Variants in DNAI7 observed in about 807,000 individuals in gnomAD.
The protein encoded by DNAI7 is dynein axonemal intermediate chain 7.
DNAI7 carries 78 observed loss-of-function variants against 86.6 expected under a neutral mutation model. The ratio of observed to expected loss-of-function variants is 0.90; its 90% CI spans 0.75 to 1.09. The LOEUF (loss-of-function observed/expected upper bound fraction) is 1.09, where lower values mean the gene tolerates loss of function less well. DNAI7 is among the 50% of genes least tolerant of loss of function. DNAI7 has a pLI of 0.00. For synonymous variants in DNAI7, 274 were observed against 273.0 expected, an observed-to-expected ratio of 1.00 and a Z score of -0.04; for missense variants, 753 against 810.2, an observed-to-expected ratio of 0.93 and a Z score of 0.86.
intron 6 of DNAI7, among the ~76,000 whole-genome samples, chr12:25,153,663 CAGTT>C (rs1945824387): frequency 6.6e-6 from 1 of 152,176 alleles, no homozygotes; most frequent in African/African-American, 2.4e-5. Context: ...TAAGCCATAG[CAGTT>C]AGCTAGCTAA....
chr12:25,123,166 G>T lies in DNAI7; in HGVS notation c.1078+45C>A, dbSNP rs759507995. On this transcript the variant is annotated intron_variant, in intron 10 of 15. Coordinates refer to ENST00000395987, the MANE Select transcript of DNAI7 (RefSeq NM_018272.5). ...TGATCCTGTATTTCTTCTGTAAGAA[G>T]AAAATCTCAATAAAGTTAAATTCTT... is the stretch of plus-strand genomic sequence containing the variant. 8.7e-6 allele frequency: 11 copies of T among 1,268,816 alleles called. No individual in the cohort carries two copies. The Middle Eastern group carries it at 5.7e-4, about 66-fold the overall frequency. The allele number at this position is 1,268,816 out of a possible 1,614,324, so 78.6% of individuals were successfully genotyped here.
intron 2 of DNAI7, among the ~76,000 whole-genome samples, chr12:25,176,176 T>C (rs1455921957): frequency 6.6e-6 from 1 of 152,230 alleles, no homozygotes; most frequent in East Asian, 1.9e-4. Context: ...AATGTTAATC[T>C]GTTTTCTATT....
rs1200434298 is a variant in DNAI7 at position 25,108,775 on chromosome 12, G to A, written c.1942C>T (p.Leu648Phe). The change falls in exon 16 of 16, where the codon CTT becomes TTT. Residue 648 changes from leucine to phenylalanine, a missense_variant. Physicochemically the swap from Leu to Phe is conservative, Grantham distance 22. Coordinates refer to ENST00000395987, the MANE Select transcript of DNAI7 (RefSeq NM_018272.5). ...EACTENPNWA[L>F]LMFSGDRAQR... ...GCTCTGTCACCACTAAACATTAAAA[G>A]GGCCCAATTAGGATTCTCAGTACAT... 6.5e-6 allele frequency: 9 copies of A among 1,388,486 alleles called. No homozygotes were observed. The Admixed American group carries it at 1.0e-4, about 16-fold the overall frequency. 86.0% of individuals were successfully genotyped at this position (1,388,486 alleles called of 1,614,324 possible).
At position 25,117,995 on chromosome 12, in the gene DNAI7, G is replaced by T. The variant is rs550640813; in HGVS notation, c.1396+1150C>A. Among the ~76,000 whole-genome samples, 4 of 144,792 alleles carry T rather than the reference G, an allele frequency of 2.8e-5. No individual in the cohort carries two copies. The East Asian group carries it at 6.1e-4, about 22-fold the overall frequency. 95.0% of individuals were successfully genotyped at this position (144,792 alleles called of 152,430 possible). On this transcript the variant is annotated intron_variant, in intron 12 of 15. Coordinates refer to ENST00000395987, the MANE Select transcript of DNAI7 (RefSeq NM_018272.5). ...CTCGCTCTGCCTGGAGTGCAGTGGC[G>T]CAATCTCGGCTCACTGCAACCTCCA...
intron 2 of DNAI7, among the ~76,000 whole-genome samples, chr12:25,182,344 T>A (rs1171248962): frequency 1.8e-5 from 2 of 110,700 alleles, no homozygotes; most frequent in Non-Finnish European, 3.5e-5. Context: ...CGAAACTTCA[T>A]CTCAAAAAAA....
chr12:25,147,802 A>C (rs1945061433), intron 7 of DNAI7, among the ~76,000 whole-genome samples: 1 of 152,220 alleles, frequency 6.6e-6, no homozygotes, highest in African/African-American at 2.4e-5. Flanking sequence ...TATACTGTAG[A>C]CTATTCTACT....
chr12:25,125,393 T>C (rs1301049813), intron 9 of DNAI7, among the ~76,000 whole-genome samples: 8 of 152,258 alleles, frequency 5.3e-5, no homozygotes, highest in Non-Finnish European at 1.0e-4. Flanking sequence ...TCTTTTCATA[T>C]GCTTCTAGGC....
At chr12:25,131,692 T>A (rs1030015714) in intron 9 of DNAI7, among the ~76,000 whole-genome samples, 5 of 152,182 alleles carry the variant, frequency 3.3e-5, no homozygotes, top group African/African-American at 1.2e-4. Context: ...AAAGACAGGA[T>A]AACTTTGAGG....
At chr12:25,183,564 A>C (rs1949760619) in intron 2 of DNAI7, among the ~76,000 whole-genome samples, 2 of 151,548 alleles carry the variant, frequency 1.3e-5, no homozygotes, top group South Asian at 4.2e-4. Context: ...GACTTTTTCC[A>C]TCATTTCACT....
chr12:25,180,988 A>G (rs189851778), intron 2 of DNAI7, among the ~76,000 whole-genome samples: 1 of 152,248 alleles, frequency 6.6e-6, no homozygotes, highest in East Asian at 1.9e-4. Flanking sequence ...TTGTATTTTT[A>G]GTAGACACGG....
At chr12:25,155,442 G>A in intron 4 of DNAI7, 30 bp from the exon 5 acceptor site, 1 of 1,213,508 alleles carries the variant, frequency 8.2e-7, no homozygotes, top group South Asian at 1.4e-5. Context: ...ACATTGATCA[G>A]CTCTTTAATT....
At chr12:25,122,318 C>T (rs998902458) in intron 10 of DNAI7, among the ~76,000 whole-genome samples, 42 of 151,606 alleles carry the variant, frequency 2.8e-4, no homozygotes, top group African/African-American at 9.4e-4. Flanking sequence ...ATTAGCTAGC[C>T]TGGTGGTGCA....
intron 12 of DNAI7, among the ~76,000 whole-genome samples, chr12:25,117,738 G>C (rs1011030854): frequency 1.3e-5 from 2 of 152,002 alleles, no homozygotes; most frequent in African/African-American, 2.4e-5. Context: ...GTATAAAAAG[G>C]TATACAAGTG....
intron 9 of DNAI7, among the ~76,000 whole-genome samples, chr12:25,131,548 A>T (rs1942924738): frequency 6.6e-6 from 1 of 152,212 alleles, no homozygotes; most frequent in Non-Finnish European, 1.5e-5. Context: ...GGATCACTAA[A>T]GGGGTGGAGG....
At position 25,161,217 on chromosome 12, in the gene DNAI7, T is replaced by TA; in HGVS notation, c.22-21dup. 6.3e-7 allele frequency: 1 copy of TA among 1,594,812 alleles called. No homozygotes were observed. Among genetic ancestry groups the TA allele is most frequent in the Non-Finnish European group, 8.6e-7 (1 of 1,163,328 alleles). ...GCCAGACTTAACAAAGGCCACATCA[T>TA]AAAAAAGGCTATTAACATGCAAGTT... On this transcript the variant is annotated intron_variant, in intron 2 of 15. Transcript: ENST00000395987.
chr12:25,123,664 G>C (rs1420889038), intron 9 of DNAI7, among the ~76,000 whole-genome samples: 1 of 152,124 alleles, frequency 6.6e-6, no homozygotes, highest in Non-Finnish European at 1.5e-5. Context: ...CCCAAAGCCT[G>C]CTTTTGGGTA....
intron 2 of DNAI7, among the ~76,000 whole-genome samples, chr12:25,184,583 GT>G (rs1430126386): frequency 3.9e-5 from 6 of 152,072 alleles, no homozygotes; most frequent in Non-Finnish European, 8.8e-5. Context: ...AAACCCACAT[GT>G]TTTTTATTAT....
At chr12:25,165,149 C>T (rs1304357434) in intron 2 of DNAI7, among the ~76,000 whole-genome samples, 1 of 152,178 alleles carries the variant, frequency 6.6e-6, no homozygotes, top group Non-Finnish European at 1.5e-5. Flanking sequence ...ACTCAATATA[C>T]ATTTTATTAC....
intron 1 of DNAI7, 148 bp downstream of exon 1, chr12:25,194,928 G>A (rs201727120): frequency 1.9e-6 from 3 of 1,614,152 alleles, no homozygotes; most frequent in Non-Finnish European, 2.5e-6. Context: ...GCTGAGAAGA[G>A]GGCCGACCCA....
Sources: gnomAD v4.1 joint callset for allele counts (sites outside exome capture counted in the v4.1 genomes callset) on GRCh38, gnomAD v4.1.1 for gene constraint, MANE v1.5 for transcripts, NCBI Gene and HGNC (gene_info 2026-07-23, HGNC 2026-07-21) for gene names.